The following RNF19A variants were observed in gnomAD, a reference collection of about 807,000 sequenced individuals.
The protein encoded by RNF19A is E3 ubiquitin-protein ligase RNF19A.
RNF19A carries 32 observed loss-of-function variants against 75.7 expected under a neutral mutation model. The observed-to-expected ratio is 0.42, with a 90% CI of 0.32 to 0.57. RNF19A has a LOEUF of 0.57. Ranked by LOEUF, RNF19A falls within the 20% of genes least tolerant of loss-of-function variation. RNF19A has a pLI of 0.10. For synonymous variants in RNF19A, 335 were observed against 345.2 expected, an observed-to-expected ratio of 0.97 and a Z score of 0.33; for missense variants, 782 against 1,036.3, an observed-to-expected ratio of 0.75 and a Z score of 3.37.
intron 1 of RNF19A, among the ~76,000 whole-genome samples, chr8:100,298,061 G>A (rs1821653297): frequency 6.6e-6 from 1 of 152,008 alleles, no homozygotes. Flanking sequence ...ACAGTCCATA[G>A]ATTATAAAGA....
chr8:100,290,964 T>C (rs1422486600), intron 1 of RNF19A, among the ~76,000 whole-genome samples: 1 of 152,186 alleles, frequency 6.6e-6, no homozygotes, highest in African/African-American at 2.4e-5. Context: ...AGAAGCCAAC[T>C]GCCTCTAAGG....
chr8:100,312,039 C>G (rs571122830), upstream of RNF19A, among the ~76,000 whole-genome samples: 2 of 152,266 alleles, frequency 1.3e-5, no homozygotes, highest in South Asian at 4.1e-4. Context: ...TTGTTCTTTC[C>G]TCAAAGCATG....
chr8:100,307,982 T>G (rs933609844), intron 1 of RNF19A, among the ~76,000 whole-genome samples: 5 of 152,196 alleles, frequency 3.3e-5, no homozygotes, highest in African/African-American at 1.2e-4. Context: ...GTTGACAGTA[T>G]GGACAGTTCT....
chr8:100,335,860 G>A (rs1822675034), intron 1 of RNF19A, among the ~76,000 whole-genome samples: 2 of 152,232 alleles, frequency 1.3e-5, no homozygotes, highest in Admixed American at 1.3e-4. Context: ...AAGTGGGCCA[G>A]GCTGCCCCTC....
chr8:100,332,677 A>G lies in RNF19A; in HGVS notation c.-243+3431T>C, dbSNP rs1025119198. 6.6e-6 allele frequency among the ~76,000 whole-genome samples: 1 copy of G among 152,196 alleles called. No homozygotes were observed. The highest frequency in any genetic ancestry group is 1.5e-5 in the Non-Finnish European group (1 of 68,026). The stretch of plus-strand genomic sequence containing the variant: ...TCTTTAACAAAGTGTATTATTAAAC[A>G]TTTTGGTCTTTGCAAATTTGTTAAA... On this transcript the variant is annotated intron_variant, in intron 1 of 3. Transcript: ENST00000519527. This position sits in a 1 kb window ranked among gnomAD's most constrained non-coding sequence, Gnocchi z 4.8.
chr8:100,299,713 G>A (rs138134161), intron 1 of RNF19A, among the ~76,000 whole-genome samples: 37 of 152,132 alleles, frequency 2.4e-4, no homozygotes, highest in East Asian at 1.9e-3. Flanking sequence ...AGCCAAGATT[G>A]TGCCATTGCA....
chr8:100,269,803 A>C lies in RNF19A; in HGVS notation c.1028+66T>G, dbSNP rs1820166991. On this transcript the variant is annotated intron_variant, in intron 4 of 9. Transcript: ENST00000341084. This position sits in a 1 kb window ranked among gnomAD's most constrained non-coding sequence, Gnocchi z 5.7. ...GTATCTTATAAAACCCAAATTTAAG[A>C]CAAGTTATTTTGTCTTACAATATAA... The C allele has an allele frequency of 7.8e-7, 1 of 1,286,640 alleles. No individual in the cohort carries two copies. Among genetic ancestry groups the C allele is most frequent in the Non-Finnish European group, 1.0e-6 (1 of 974,624 alleles). The allele number at this position is 1,286,640 out of a possible 1,614,324, so 79.7% of individuals were successfully genotyped here. A position where few individuals can be genotyped will look rare whatever the true frequency, so the allele number is the denominator to read the frequency against.
intron 1 of RNF19A, among the ~76,000 whole-genome samples, chr8:100,319,883 C>T (rs1822440884): frequency 6.8e-6 from 1 of 146,972 alleles, no homozygotes. Flanking sequence ...TTGCCCAGGA[C>T]AGAGTGCAAT....
chr8:100,279,634 C>A (rs917352044), intron 2 of RNF19A, among the ~76,000 whole-genome samples: 1 of 152,188 alleles, frequency 6.6e-6, no homozygotes, highest in East Asian at 1.9e-4. Flanking sequence ...CTCGCTGCAA[C>A]GTCCGCCTCC....
rs1313233145 is a variant in RNF19A, at chr8:100,275,186, T to A, written c.675-25A>T. ...TCTTGAAAGAACAAGAAAAATGATT[T>A]AAAATGTGACATAAAACAAGAGATA... On this transcript the variant is annotated intron_variant, in intron 2 of 9. Transcript: ENST00000341084. This position sits in a 1 kb window ranked among gnomAD's most constrained non-coding sequence, Gnocchi z 4.3. The A allele has an allele frequency of 6.3e-7, 1 of 1,595,558 alleles. No homozygotes were observed. Among genetic ancestry groups the A allele is most frequent in the Non-Finnish European group, 8.6e-7 (1 of 1,163,996 alleles).
intron 3 of RNF19A, among the ~76,000 whole-genome samples, chr8:100,270,689 CG>C (rs1270976292): frequency 2.0e-5 from 3 of 152,040 alleles, no homozygotes; most frequent in Non-Finnish European, 4.4e-5. Flanking sequence ...TGGCTATGAA[CG>C]TTATAAACCA....
intron 2 of RNF19A, among the ~76,000 whole-genome samples, chr8:100,276,230 G>T (rs964885585): frequency 4.6e-5 from 7 of 152,136 alleles, no homozygotes; most frequent in African/African-American, 1.7e-4. Context: ...GGTTAAATAA[G>T]CTATAGTGCA....
rs986095581 is a variant in RNF19A at position 100,271,093 on chromosome 8, C to T, written c.884-1080G>A. On this transcript the variant is annotated intron_variant, in intron 3 of 9. Coordinates refer to ENST00000341084, the MANE Select transcript of RNF19A (RefSeq NM_183419.4). The stretch of plus-strand genomic sequence containing the variant: ...TCTTTCTACAAGTTTTATGGTCAAA[C>T]TTTACCTGTGCTTTATCAGTTAATT... Among the ~76,000 whole-genome samples, 6 of 151,178 alleles carry T rather than the reference C, an allele frequency of 4.0e-5. No homozygotes were observed. The East Asian group carries it at 1.2e-3, about 29-fold the overall frequency.
At chr8:100,268,290 T>C (rs746963993) in intron 5 of RNF19A, among the ~76,000 whole-genome samples, 7 of 152,094 alleles carry the variant, frequency 4.6e-5, no homozygotes, top group Non-Finnish European at 1.0e-4. Flanking sequence ...TCACTGGTGT[T>C]TGGACTTTCA....
At chr8:100,315,171 C>T (rs1157704563) in intron 1 of RNF19A, among the ~76,000 whole-genome samples, 1 of 152,076 alleles carries the variant, frequency 6.6e-6, no homozygotes, top group Non-Finnish European at 1.5e-5. Flanking sequence ...ACCTGTAGTC[C>T]GAGCTACTCA....
chr8:100,283,661 T>C (rs922466761), intron 2 of RNF19A, among the ~76,000 whole-genome samples: 1 of 152,210 alleles, frequency 6.6e-6, no homozygotes. Flanking sequence ...GTAAGGACAG[T>C]ATTTCTCAAG....
At chr8:100,301,906 A>T (rs888940457) in intron 1 of RNF19A, among the ~76,000 whole-genome samples, 8 of 152,192 alleles carry the variant, frequency 5.3e-5, no homozygotes, top group African/African-American at 1.9e-4. Context: ...TGAAGGAGGT[A>T]AAGGAGGTGT....
At position 100,317,092 on chromosome 8, in the gene RNF19A, C is replaced by T. The variant is rs1423582366; in HGVS notation, c.-242-3720G>A. 7.5e-6 allele frequency among the ~76,000 whole-genome samples: 1 copy of T among 132,758 alleles called. No homozygotes were observed. The highest frequency in any genetic ancestry group is 1.7e-5 in the Non-Finnish European group (1 of 57,822). 87.1% of individuals were successfully genotyped at this position (132,758 alleles called of 152,430 possible). On this transcript the variant is annotated intron_variant, in intron 1 of 3. Coordinates refer to the RNF19A transcript ENST00000519527. The surrounding 1 kb of genome is among the most constrained non-coding windows in gnomAD (Gnocchi z 4.3). ...AGTGCGGGGCCTGCCAAGCCCACGC[C>T]CACGCCCACCCGGAACTCCAGCTGG...
chr8:100,334,186 G>A (rs937644836), intron 1 of RNF19A, among the ~76,000 whole-genome samples: 10 of 152,076 alleles, frequency 6.6e-5, no homozygotes, highest in African/African-American at 1.4e-4. Context: ...CCAAACTCTC[G>A]GAGCATGTTC....
Sources: allele counts gnomAD v4.1 joint callset (sites outside exome capture counted in the v4.1 genomes callset), GRCh38; gene constraint gnomAD v4.1.1; non-coding constraint Gnocchi (gnomAD v3.1); transcripts MANE v1.5; gene names NCBI Gene and HGNC (gene_info 2026-07-23, HGNC 2026-07-21).